PIAS2: variants seen among roughly 807,000 people sequenced by gnomAD.
PIAS2 encodes the protein protein inhibitor of activated STAT 2.
Under a neutral mutation model 69.7 loss-of-function variants are expected in PIAS2, and 19 were observed. The ratio of observed to expected loss-of-function variants is 0.27; its 90% CI spans 0.19 to 0.40. The LOEUF (loss-of-function observed/expected upper bound fraction) is 0.40. Ranked by LOEUF, PIAS2 falls within the 10% of genes least tolerant of loss-of-function variation. PIAS2 has a pLI of 1.00. For missense variants in PIAS2, 624 were observed against 757.0 expected, an observed-to-expected ratio of 0.82 and a Z score of 2.06; for synonymous variants, 261 against 263.2, an observed-to-expected ratio of 0.99 and a Z score of 0.08.
intron 2 of PIAS2, among the ~76,000 whole-genome samples, chr18:46,869,083 C>T (rs2049933663): frequency 6.6e-6 from 1 of 152,218 alleles, no homozygotes; most frequent in African/African-American, 2.4e-5. Context: ...CAATTAAGCA[C>T]AAAGCAAGCG....
At chr18:46,872,337 C>G (rs2050486409) in intron 2 of PIAS2, among the ~76,000 whole-genome samples, 1 of 152,230 alleles carries the variant, frequency 6.6e-6, no homozygotes, top group Non-Finnish European at 1.5e-5. Context: ...TGGCTGAGGA[C>G]AGCAGGGACA....
rs1369269321 is a variant in PIAS2 at position 46,805,397 on chromosome 18, A to C, written c.*7036T>G. On this transcript the variant is annotated 3_prime_UTR_variant, in exon 14 of 14. Coordinates refer to ENST00000585916, the MANE Select transcript of PIAS2 (RefSeq NM_004671.5). ...TTAATAATAATGACCAGAATCAAGGAAGGCAAGGAACACTGTGAGTCAAAG... is the reference window on the plus strand; with the variant it reads ...TTAATAATAATGACCAGAATCAAGGCAGGCAAGGAACACTGTGAGTCAAAG... 2.0e-5 allele frequency: 3 copies of C among 152,270 alleles called. No individual in the cohort carries two copies. The highest frequency in any genetic ancestry group is 7.2e-5 in the African/African-American group (3 of 41,452). The allele number at this position is 152,270 out of a possible 1,614,324, so 9.4% of individuals were successfully genotyped here. A position where few individuals can be genotyped will look rare whatever the true frequency, so the allele number is the denominator to read the frequency against.
intron 8 of PIAS2, among the ~76,000 whole-genome samples, chr18:46,840,986 T>A (rs966127975): frequency 2.0e-5 from 3 of 151,572 alleles, no homozygotes; most frequent in Admixed American, 6.6e-5. Flanking sequence ...TTTTTTTTTT[T>A]AAACATACTA....
chr18:46,828,261 C>T (rs1038477050), intron 10 of PIAS2, 131 bp from the exon 11 acceptor site: 1 of 712,228 alleles, frequency 1.4e-6, no homozygotes, highest in Non-Finnish European at 2.1e-6. Flanking sequence ...ATACTCCAAC[C>T]CATGGACAAA....
At chr18:46,813,120 T>C (rs539830024) in intron 13 of PIAS2, among the ~76,000 whole-genome samples, 13 of 152,176 alleles carry the variant, frequency 8.5e-5, no homozygotes, top group Admixed American at 2.6e-4. Context: ...GACTCCTTTG[T>C]ACATAAACGT....
intron 11 of PIAS2, 117 bp downstream of exon 11, chr18:46,827,842 G>A: frequency 1.1e-6 from 1 of 873,506 alleles, no homozygotes; most frequent in Non-Finnish European, 1.7e-6. Flanking sequence ...ACTCAACAAA[G>A]GCAAATTAAA....
chr18:46,834,951 G>A (rs1485190107), intron 9 of PIAS2, among the ~76,000 whole-genome samples: 1 of 152,172 alleles, frequency 6.6e-6, no homozygotes, highest in Non-Finnish European at 1.5e-5. Context: ...CATTCCCTTT[G>A]AGTATTTCTA....
chr18:46,874,573 C>T (rs542971254), intron 2 of PIAS2, among the ~76,000 whole-genome samples: 4 of 152,276 alleles, frequency 2.6e-5, no homozygotes, highest in Non-Finnish European at 2.9e-5. Context: ...GACTCGACTA[C>T]CATGGACCAA....
chr18:46,830,465 C>T (rs2043446234), intron 9 of PIAS2, among the ~76,000 whole-genome samples: 1 of 151,738 alleles, frequency 6.6e-6, no homozygotes, highest in South Asian at 2.1e-4. Context: ...AATTTGTGGA[C>T]TGTATTATTT....
At chr18:46,905,902 T>C (rs992659480) in intron 1 of PIAS2, 1 of 152,164 alleles carries the variant, frequency 6.6e-6, no homozygotes, top group African/African-American at 2.4e-5. Context: ...GGTATATTTT[T>C]TAACTATAGG....
chr18:46,840,403 A>G (rs1036071205), intron 8 of PIAS2, among the ~76,000 whole-genome samples: 3 of 152,168 alleles, frequency 2.0e-5, no homozygotes, highest in Admixed American at 1.3e-4. Flanking sequence ...TTGTGTGTCC[A>G]TATTATTATA....
chr18:46,868,220 A>C (rs1375857326), intron 2 of PIAS2, among the ~76,000 whole-genome samples: 1 of 152,208 alleles, frequency 6.6e-6, no homozygotes, highest in Admixed American at 6.5e-5. Context: ...TCCTCTTCAA[A>C]GGTTTAATTT....
At chr18:46,845,985 T>C (rs772265352) in intron 6 of PIAS2, among the ~76,000 whole-genome samples, 119 of 152,282 alleles carry the variant, frequency 7.8e-4, no homozygotes, top group South Asian at 2.7e-3. Context: ...TATTATTCTG[T>C]TTAGGAACAT....
intron 8 of PIAS2, among the ~76,000 whole-genome samples, chr18:46,838,229 T>C (rs2044744409): frequency 6.6e-6 from 1 of 152,240 alleles, no homozygotes; most frequent in African/African-American, 2.4e-5. Flanking sequence ...TATATAGTTC[T>C]ACCTACGTGC....
At chr18:46,910,658 C>CA (rs1457665441) in intron 1 of PIAS2, among the ~76,000 whole-genome samples, 3 of 152,086 alleles carry the variant, frequency 2.0e-5, no homozygotes, top group Non-Finnish European at 4.4e-5. Context: ...AGTTCAAAGA[C>CA]AAAATCAAAG....
At chr18:46,835,252 T>G (rs1021982452) in intron 9 of PIAS2, among the ~76,000 whole-genome samples, 2 of 152,156 alleles carry the variant, frequency 1.3e-5, no homozygotes, top group Admixed American at 1.3e-4. Flanking sequence ...ATAAAACAAC[T>G]GTGATAGAAT....
intron 2 of PIAS2, among the ~76,000 whole-genome samples, chr18:46,890,005 C>A (rs913816961): frequency 1.3e-5 from 2 of 152,102 alleles, no homozygotes; most frequent in East Asian, 3.8e-4. Context: ...TATTATTTAG[C>A]CTTTAAAAGG....
chr18:46,917,576 C>T, upstream of PIAS2: 4 of 1,078,822 alleles, frequency 3.7e-6, no homozygotes, highest in Non-Finnish European at 4.5e-6. Context: ...TGCCCACCCG[C>T]GCGACCGCCT....
chr18:46,825,244 A>C (rs2042697227), intron 11 of PIAS2, among the ~76,000 whole-genome samples: 1 of 152,166 alleles, frequency 6.6e-6, no homozygotes, highest in Non-Finnish European at 1.5e-5. Flanking sequence ...GTAGGAGGGG[A>C]TCACAGAGAT....
Sources: allele counts gnomAD v4.1 joint callset (sites outside exome capture counted in the v4.1 genomes callset), GRCh38; gene constraint gnomAD v4.1.1; transcripts MANE v1.5; gene names NCBI Gene and HGNC (gene_info 2026-07-23, HGNC 2026-07-21).